STX6: variants seen among roughly 807,000 people sequenced by gnomAD.
The protein encoded by STX6 is syntaxin 6.
A neutral mutation model predicts 38.0 loss-of-function variants in STX6; 23 were observed. That is an observed-to-expected ratio of 0.60 (90% CI 0.43 to 0.86). The LOEUF (loss-of-function observed/expected upper bound fraction) is 0.86. Ranked by LOEUF, STX6 falls within the 40% of genes least tolerant of loss-of-function variation. STX6 has a pLI of 0.00. For synonymous variants in STX6, 123 were observed against 107.5 expected (o/e 1.14, Z -0.89); for missense variants, 274 against 312.9 (o/e 0.88, Z 0.94).
In STX6 at chr1:180,975,279, A is replaced by G. The variant is rs960995757; in HGVS notation, c.*1291T>C. The G allele has an allele frequency of 1.3e-5, 2 of 152,652 alleles. No individual in the cohort carries two copies. Among genetic ancestry groups the G allele is most frequent in the African/African-American group, 2.4e-5 (1 of 41,452 alleles). The allele number at this position is 152,652 out of a possible 1,614,324, so 9.5% of individuals were successfully genotyped here. A position where few individuals can be genotyped will look rare whatever the true frequency, so the allele number is the denominator to read the frequency against. The stretch of plus-strand genomic sequence containing the variant: ...GGCTCTGGGTCCAAATACTACTTTA[A>G]TATCAGATTATTCATCAGGGAAGTT... On this transcript the variant is annotated 3_prime_UTR_variant, in exon 8 of 8. Coordinates refer to ENST00000258301, the MANE Select transcript of STX6 (RefSeq NM_005819.6).
intron 1 of STX6, among the ~76,000 whole-genome samples, chr1:181,021,733 T>A (rs1025414942): frequency 6.6e-6 from 1 of 152,204 alleles, no homozygotes; most frequent in Non-Finnish European, 1.5e-5. Context: ...TATTACAAAG[T>A]GCAGTTGAAG....
At position 180,988,511 on chromosome 1, in the gene STX6, T is replaced by C. The variant is rs1326066269; in HGVS notation, c.490-166A>G. On this transcript the variant is annotated intron_variant, in intron 5 of 7. Transcript: ENST00000258301. ...ACCGTTGCCTCTGAGAACACACTGC[T>C]CAAAAGGCTGGATTGTTAAGCTACT... 3.0e-5 allele frequency: 17 copies of C among 569,764 alleles called. No individual in the cohort carries two copies. The East Asian group carries it at 5.0e-4, about 17-fold the overall frequency. The allele number at this position is 569,764 out of a possible 1,614,324, so 35.3% of individuals were successfully genotyped here. A position where few individuals can be genotyped will look rare whatever the true frequency, so the allele number is the denominator to read the frequency against.
intron 3 of STX6, 37 bp from the exon 4 acceptor site, chr1:180,993,462 A>G (rs1655812674): frequency 1.6e-6 from 2 of 1,222,902 alleles, no homozygotes; most frequent in Non-Finnish European, 1.2e-6. Context: ...AATGAAAAAT[A>G]TCCTTAAACA....
chr1:180,994,466 T>A (rs777919049), intron 3 of STX6, among the ~76,000 whole-genome samples: 2 of 152,218 alleles, frequency 1.3e-5, no homozygotes, highest in Admixed American at 1.3e-4. Flanking sequence ...CCTGCCCACA[T>A]GGAGTTCACA....
intron 3 of STX6, among the ~76,000 whole-genome samples, chr1:181,002,287 C>T (rs1410899418): frequency 6.6e-6 from 1 of 151,688 alleles, no homozygotes. Context: ...GTAGTTGAGA[C>T]AACAGGTGTG....
intron 1 of STX6, among the ~76,000 whole-genome samples, chr1:181,008,322 C>T (rs954299285): frequency 1.3e-5 from 2 of 152,122 alleles, no homozygotes; most frequent in African/African-American, 4.8e-5. Flanking sequence ...ATCCAAAATG[C>T]TTGGGACCAG....
intron 3 of STX6, among the ~76,000 whole-genome samples, chr1:180,994,763 AG>A (rs1304170230): frequency 4.6e-5 from 7 of 152,236 alleles, no homozygotes; most frequent in Non-Finnish European, 1.0e-4. Context: ...ATAGATCAGT[AG>A]GGTGACTATA....
chr1:181,015,998 T>C (rs566384029), intron 1 of STX6, among the ~76,000 whole-genome samples: 23 of 152,328 alleles, frequency 1.5e-4, no homozygotes, highest in African/African-American at 5.5e-4. Flanking sequence ...AGATCTGGGT[T>C]TGAACCCTTA....
chr1:180,980,335 A>AAC (rs1553263166), intron 7 of STX6, among the ~76,000 whole-genome samples: 1 of 151,580 alleles, frequency 6.6e-6, no homozygotes, highest in Non-Finnish European at 1.5e-5. Flanking sequence ...AATGGTCAAA[A>AAC]CCCCAAACAG....
At chr1:181,004,432 A>C (rs1457231822) in intron 2 of STX6, among the ~76,000 whole-genome samples, 1 of 152,194 alleles carries the variant, frequency 6.6e-6, no homozygotes, top group Non-Finnish European at 1.5e-5. Context: ...ACCCCACCCC[A>C]GGGGAAAGGG....
chr1:180,993,719 C>T (rs1054268351), intron 3 of STX6, among the ~76,000 whole-genome samples: 1 of 152,180 alleles, frequency 6.6e-6, no homozygotes, highest in African/African-American at 2.4e-5. Flanking sequence ...CACACATTAT[C>T]ACTGAATTTT....
chr1:180,988,890 T>C (rs1655666529), intron 5 of STX6: 1 of 152,404 alleles, frequency 6.6e-6, no homozygotes. Context: ...TTTAGTTGTG[T>C]TGCATTCTTC....
chr1:180,978,481 G>T (rs1262939646), intron 7 of STX6, among the ~76,000 whole-genome samples: 2 of 152,196 alleles, frequency 1.3e-5, no homozygotes, highest in East Asian at 3.8e-4. Flanking sequence ...GTGGACCCAG[G>T]CGAAGGGGAC....
chr1:181,022,833 C>T lies in STX6; in HGVS notation c.-160G>A. On this transcript the variant is annotated 5_prime_UTR_variant, in exon 1 of 8. Transcript: ENST00000258301. ...GCACAGGCCAGGTGCACAGGACGGC[C>T]GCTGGTCCAGCACTCGCTCAGCACC... 1.5e-6 allele frequency: 1 copy of T among 669,154 alleles called. No individual in the cohort carries two copies. Among genetic ancestry groups the T allele is most frequent in the South Asian group, 1.8e-5 (1 of 54,388 alleles). The allele number at this position is 669,154 out of a possible 1,614,324, so 41.5% of individuals were successfully genotyped here.
At chr1:180,985,097 A>T (rs1571328500) in intron 6 of STX6, among the ~76,000 whole-genome samples, 1 of 152,156 alleles carries the variant, frequency 6.6e-6, no homozygotes, top group East Asian at 1.9e-4. Context: ...AGTTGGAGTC[A>T]GTTCAGGTAA....
chr1:181,007,272 T>C (rs774762179), intron 1 of STX6, among the ~76,000 whole-genome samples: 10 of 152,238 alleles, frequency 6.6e-5, no homozygotes, highest in Non-Finnish European at 1.5e-4. Context: ...TAATACCTAA[T>C]GTAATTTAAA....
chr1:181,014,668 G>A (rs1199696923), intron 1 of STX6, among the ~76,000 whole-genome samples: 2 of 152,058 alleles, frequency 1.3e-5, no homozygotes, highest in East Asian at 3.9e-4. Flanking sequence ...TTCTCCAACT[G>A]GTTCCTGCCC....
chr1:180,986,951 T>C (rs1468030101), intron 6 of STX6, among the ~76,000 whole-genome samples: 1 of 152,190 alleles, frequency 6.6e-6, no homozygotes, highest in Non-Finnish European at 1.5e-5. Context: ...AGATTCTGGC[T>C]ACTCCAGCTT....
intron 1 of STX6, among the ~76,000 whole-genome samples, chr1:181,019,891 G>A (rs1330837047): frequency 4.6e-5 from 7 of 152,116 alleles, no homozygotes; most frequent in East Asian, 1.9e-4. Flanking sequence ...GGCCGGGCGC[G>A]GTGGCTCACG....
Sources: allele counts gnomAD v4.1 joint callset (sites outside exome capture counted in the v4.1 genomes callset), GRCh38; gene constraint gnomAD v4.1.1; transcripts MANE v1.5; gene names NCBI Gene and HGNC (gene_info 2026-07-23, HGNC 2026-07-21).